ASXL2: variants seen among roughly 807,000 people sequenced by gnomAD.
ASXL2 encodes the protein ASXL transcriptional regulator 2.
ASXL2 carries 23 observed loss-of-function variants against 122.0 expected under a neutral mutation model. The ratio of observed to expected loss-of-function variants is 0.19; its 90% CI spans 0.14 to 0.27. The LOEUF is 0.27. Among genes scored for constraint, ASXL2 ranks in the 10% least tolerant of loss-of-function variants. The probability of loss-of-function intolerance (pLI) is 1.00; values close to 1 mark genes in which losing one functional copy is unlikely to be tolerated. For missense variants in ASXL2, 1,518 were observed against 1,713.8 expected (o/e 0.89, Z 2.02); for synonymous variants, 650 against 637.0 (o/e 1.02, Z -0.31).
intron 3 of ASXL2, among the ~76,000 whole-genome samples, chr2:25,813,090 T>C (rs1380417646): frequency 6.6e-6 from 1 of 152,188 alleles, no homozygotes; most frequent in Non-Finnish European, 1.5e-5. Context: ...TTCAATAAGC[T>C]ACCTGGTAAA....
At chr2:25,792,737 C>G (rs2088854163) in intron 5 of ASXL2, among the ~76,000 whole-genome samples, 1 of 151,660 alleles carries the variant, frequency 6.6e-6, no homozygotes, top group Non-Finnish European at 1.5e-5. Flanking sequence ...TCCCGAGTAG[C>G]TGGGATTACA....
intron 3 of ASXL2, among the ~76,000 whole-genome samples, chr2:25,816,893 G>C (rs965357391): frequency 1.3e-5 from 2 of 152,234 alleles, no homozygotes; most frequent in Non-Finnish European, 2.9e-5. Flanking sequence ...GGGAGGCCGA[G>C]GTTGGCGGAT....
In ASXL2 at chr2:25,743,713, T is replaced by A. The variant is rs772536905; in HGVS notation, c.2624A>T (p.Asp875Val). ...AGTTACAGCCACTGGCACACTAGCA[T>A]CTGTCTTTGATGAGGCTGAAGGGTT... is the stretch of plus-strand genomic sequence containing the variant. ...IPNPSASSKT[D>V]ASVPVAVTPS... Residue 875 changes from aspartate (D) to valine (V), a missense_variant, in exon 13 of 13, where the codon GAT becomes GTT. By Grantham distance (152) the Asp-to-Val change is radical. Around this residue, in one of 8 missense-constraint regions of ASXL2, gnomAD observed 831 missense variants for 833.1 expected, o/e 1.00. Coordinates refer to ENST00000435504, the MANE Select transcript of ASXL2 (RefSeq NM_018263.6). 8 of 1,613,966 alleles carry A rather than the reference T, an allele frequency of 5.0e-6. No individual in the cohort carries two copies. The South Asian group carries it at 6.6e-5, about 13-fold the overall frequency.
chr2:25,845,497 C>A lies in ASXL2; in HGVS notation c.124G>T (p.Gly42Ter). The change falls in exon 2 of 13, where the codon GGA becomes TGA. Residue 42 changes from glycine (G) to a stop codon, truncating the protein, a stop_gained. Coordinates refer to ENST00000435504, the MANE Select transcript of ASXL2 (RefSeq NM_018263.6). LOFTEE classifies it high-confidence loss of function. ...KEILQVIQRE[G>*]LKEIRSGTSP... Reference sequence around the variant, plus strand: ...ATAACTCACCTGATTTCTTTTAGTCCTTCTCTCTGGATAACTTGAAGAATT... The same window carrying A: ...ATAACTCACCTGATTTCTTTTAGTCATTCTCTCTGGATAACTTGAAGAATT... The A allele has an allele frequency of 2.0e-6, 3 of 1,493,724 alleles. No individual in the cohort carries two copies. Among genetic ancestry groups the A allele is most frequent in the South Asian group, 1.4e-5 (1 of 72,560 alleles). 92.5% of individuals were successfully genotyped at this position (1,493,724 alleles called of 1,614,324 possible).
chr2:25,838,004 G>A (rs1326383932), intron 2 of ASXL2, among the ~76,000 whole-genome samples: 1 of 150,754 alleles, frequency 6.6e-6, no homozygotes, highest in African/African-American at 2.4e-5. Flanking sequence ...GGTGGCGCAC[G>A]CCTGTGGTCC....
intron 3 of ASXL2, among the ~76,000 whole-genome samples, chr2:25,827,367 C>T (rs747719771): frequency 2.0e-5 from 3 of 152,100 alleles, no homozygotes; most frequent in Non-Finnish European, 2.9e-5. Flanking sequence ...CTCAACAGCA[C>T]ACTTACATTG....
At chr2:25,870,910 A>G (rs1428244330) in intron 1 of ASXL2, among the ~76,000 whole-genome samples, 1 of 152,180 alleles carries the variant, frequency 6.6e-6, no homozygotes, top group East Asian at 1.9e-4. Flanking sequence ...ACTTTCACTT[A>G]ATTCCTGTTT....
intron 2 of ASXL2, among the ~76,000 whole-genome samples, chr2:25,839,439 A>G (rs2089551065): frequency 6.6e-6 from 1 of 152,116 alleles, no homozygotes; most frequent in South Asian, 2.1e-4. Flanking sequence ...ACTGTTACAA[A>G]AAGAACTAAG....
At chr2:25,816,237 CA>C (rs372559324) in intron 3 of ASXL2, among the ~76,000 whole-genome samples, 186 of 126,846 alleles carry the variant, frequency 1.5e-3, no homozygotes, top group Admixed American at 2.0e-3. Context: ...GCCTCCATCT[CA>C]AAAAAAAAAA....
chr2:25,853,803 C>CCA (rs1416791664), intron 1 of ASXL2, among the ~76,000 whole-genome samples: 2 of 151,694 alleles, frequency 1.3e-5, no homozygotes, highest in Non-Finnish European at 2.9e-5. Context: ...ACCACCATGC[C>CCA]CAGCCTTATT....
At chr2:25,875,224 C>G (rs1054757880) in intron 1 of ASXL2, among the ~76,000 whole-genome samples, 4 of 152,186 alleles carry the variant, frequency 2.6e-5, no homozygotes, top group African/African-American at 9.7e-5. Context: ...AGCTCCATCA[C>G]CTTTCTCTGG....
intron 3 of ASXL2, among the ~76,000 whole-genome samples, chr2:25,806,602 T>C (rs1022141686): frequency 2.0e-5 from 3 of 152,212 alleles, no homozygotes; most frequent in African/African-American, 7.2e-5. Flanking sequence ...TACAGAAGTA[T>C]TACAAACATA....
intron 4 of ASXL2, 32 bp downstream of exon 4, chr2:25,806,193 TTTTC>T: frequency 7.1e-7 from 1 of 1,398,892 alleles, no homozygotes; most frequent in Non-Finnish European, 1.0e-6. Flanking sequence ...ACTTCCTGTT[TTTTC>T]TTTCTAAATG....
intron 5 of ASXL2, among the ~76,000 whole-genome samples, chr2:25,778,383 G>T (rs1427681837): frequency 2.0e-5 from 3 of 152,180 alleles, no homozygotes. Flanking sequence ...GCAAGAAAAA[G>T]GTTAGAGAAA....
rs1416469748 is a variant in ASXL2 at position 25,736,484 on chromosome 2, T to A, written c.*5545A>T. 6.6e-6 allele frequency: 1 copy of A among 152,232 alleles called. No individual in the cohort carries two copies. Among genetic ancestry groups the A allele is most frequent in the Non-Finnish European group, 1.5e-5 (1 of 68,042 alleles). The allele number at this position is 152,232 out of a possible 1,614,324, so 9.4% of individuals were successfully genotyped here. ...AAATTATGAAGATGCTAATGTCCCCTGAGACTTAAGAAGCTTCCTTTAGAA... is the reference window on the plus strand; with the variant it reads ...AAATTATGAAGATGCTAATGTCCCCAGAGACTTAAGAAGCTTCCTTTAGAA... On this transcript the variant is annotated 3_prime_UTR_variant, in exon 13 of 13. Transcript: ENST00000435504.
At chr2:25,860,159 A>T (rs892744544) in intron 1 of ASXL2, among the ~76,000 whole-genome samples, 1 of 151,942 alleles carries the variant, frequency 6.6e-6, no homozygotes, top group African/African-American at 2.4e-5. Flanking sequence ...TAAAAATACA[A>T]AATTAACCGG....
At chr2:25,769,803 C>T (rs536193321) in intron 6 of ASXL2, among the ~76,000 whole-genome samples, 1 of 152,124 alleles carries the variant, frequency 6.6e-6, no homozygotes, top group African/African-American at 2.4e-5. Flanking sequence ...TTCTGGTTTC[C>T]TATTTTCTTT....
chr2:25,760,946 C>A (rs2088231994), intron 8 of ASXL2, among the ~76,000 whole-genome samples: 1 of 152,068 alleles, frequency 6.6e-6, no homozygotes, highest in South Asian at 2.1e-4. Context: ...AATGGGACAT[C>A]TAGAAATGTA....
Position 25,756,223 on chromosome 2 carries a change from T to C in ASXL2, c.940-109A>G, listed in dbSNP as rs1574398888. The C allele has an allele frequency of 1.4e-5, 7 of 492,818 alleles. No individual in the cohort carries two copies. The East Asian group carries it at 2.6e-4, about 18-fold the overall frequency. 30.5% of individuals were successfully genotyped at this position (492,818 alleles called of 1,614,324 possible). ...AAGAATGTATATATATTTATTTTAA[T>C]AGAAATATAACTATCTCATACTATG... On this transcript the variant is annotated intron_variant, in intron 9 of 12. Transcript: ENST00000435504.
Sources: allele counts gnomAD v4.1 joint callset (sites outside exome capture counted in the v4.1 genomes callset), GRCh38; gene constraint gnomAD v4.1.1; regional missense constraint gnomAD v4.1.1; transcripts MANE v1.5; gene names NCBI Gene and HGNC (gene_info 2026-07-23, HGNC 2026-07-21).